The following COL4A6 variants were observed in gnomAD, a reference collection of about 807,000 sequenced individuals.
COL4A6 encodes the protein collagen type IV alpha 6 chain, also known as collagen alpha-6(IV) chain.
COL4A6 carries 59 observed loss-of-function variants against 126.7 expected under a neutral mutation model. The observed-to-expected ratio is 0.47, with a 90% confidence interval of 0.38 to 0.58. The LOEUF (loss-of-function observed/expected upper bound fraction) is 0.58. Ranked by LOEUF, COL4A6 falls within the 20% of genes least tolerant of loss-of-function variation. The pLI, the probability that COL4A6 is intolerant of heterozygous loss-of-function variation, is 0.00. For missense variants in COL4A6, 1,285 were observed against 1,337.3 expected (o/e 0.96, Z 0.61); for synonymous variants, 547 against 496.6 (o/e 1.10, Z -1.35).
chrX:108,165,238 C>T lies in COL4A6; in HGVS notation c.3808+132G>A, dbSNP rs188298998. On this transcript the variant is annotated intron_variant, in intron 38 of 44. Coordinates refer to ENST00000334504, the MANE Select transcript of COL4A6 (RefSeq NM_033641.4). ...GGCTCAAGTCCCCTGTGTCCCCACT[C>T]GGGGAGGGATGTGAAGCCAAACACG... The T allele has an allele frequency of 3.1e-4, 237 of 753,279 alleles. No homozygotes were observed. In the African/African-American group the frequency reaches 4.3e-3, roughly 14 times the overall value. The allele number at this position is 753,279 out of a possible 1,213,427, so 62.1% of individuals were successfully genotyped here. A position where few individuals can be genotyped will look rare whatever the true frequency, so the allele number is the denominator to read the frequency against.
At chrX:108,290,593 T>C (rs1421399893) in intron 3 of COL4A6, among the ~76,000 whole-genome samples, 1 of 109,915 alleles carries the variant, frequency 9.1e-6, no homozygotes, top group African/African-American at 3.3e-5. Context: ...TCTATAAATT[T>C]GGAATTATTA....
chrX:108,178,879 G>A (rs760443161), intron 26 of COL4A6, 34 bp from the exon 27 acceptor site: 1 of 1,182,320 alleles, frequency 8.5e-7, no homozygotes, highest in South Asian at 1.9e-5. Flanking sequence ...ATCACAGCCT[G>A]GAGAGATAGC....
rs536724328 is a variant in COL4A6, at chrX:108,309,628, C to T, written c.144+1120G>A. On this transcript the variant is annotated intron_variant, in intron 3 of 44. Transcript: ENST00000334504. ...TAAGATAATGAAAGAGAAGGTGGAA[C>T]GGTCACTGTGTTCCCTGTTTGGCTA... Among the ~76,000 whole-genome samples, 66 of 111,057 alleles carry T rather than the reference C, an allele frequency of 5.9e-4. No homozygotes were observed. In the South Asian group the frequency reaches 0.024, roughly 41 times the overall value.
intron 20 of COL4A6, 89 bp downstream of exon 20, chrX:108,190,303 A>G: frequency 1.7e-6 from 1 of 580,457 alleles, no homozygotes; most frequent in Non-Finnish European, 2.8e-6. Flanking sequence ...GCTTCTGTTT[A>G]GGTTCCCGAG....
At chrX:108,280,165 GA>G (rs1314865807) in intron 3 of COL4A6, among the ~76,000 whole-genome samples, 1 of 111,036 alleles carries the variant, frequency 9.0e-6, no homozygotes, top group African/African-American at 3.3e-5. Context: ...GAAGGAAATA[GA>G]GACACAAAAA....
In COL4A6 at chrX:108,360,943, A is replaced by G. The variant is rs1309237666; in HGVS notation, c.64-50115T>C. On this transcript the variant is annotated intron_variant, in intron 2 of 44. Transcript: ENST00000334504. ...ATTAGAGTGAAGAGTAAGTCTGGGA[A>G]ATTAGCGTGGGGCAGATCAGGGAAG... is the stretch of plus-strand genomic sequence containing the variant. 3.6e-5 allele frequency among the ~76,000 whole-genome samples: 4 copies of G among 110,802 alleles called. No individual in the cohort carries two copies. The Admixed American group carries it at 3.9e-4, about 11-fold the overall frequency.
At chrX:108,214,465 A>G (rs368874987) in intron 5 of COL4A6, among the ~76,000 whole-genome samples, 7 of 112,117 alleles carry the variant, frequency 6.2e-5, no homozygotes, top group African/African-American at 2.3e-4. Context: ...AGCTGAAACC[A>G]AAGGGATCAA....
At chrX:108,407,527 C>G (rs1000908876) in intron 2 of COL4A6, among the ~76,000 whole-genome samples, 2 of 112,161 alleles carry the variant, frequency 1.8e-5, no homozygotes, top group South Asian at 3.7e-4. Flanking sequence ...CATCTGCTGT[C>G]TCAGGCAACA....
Position 108,179,287 on chromosome X carries a change from C to T in COL4A6, c.2283G>A (p.Gly761=), listed in dbSNP as rs1190973369. The T allele has an allele frequency of 4.1e-6, 5 of 1,209,312 alleles. No homozygotes were observed. The highest frequency in any genetic ancestry group is 1.8e-5 in the African/African-American group (1 of 56,875). ...CTGTTAATCCTTGTAGGCCTTGTTC[C>T]CCCGGAGCACCATTTTCAGCACCAA... The part of the protein sequence containing the change: ...DIFGAENGAP[G]EQGLQGLTGH... The change falls in exon 26 of 45, where the codon GGG becomes GGA. Residue 761 remains glycine, a synonymous_variant. Transcript: ENST00000334504.
At chrX:108,183,058 C>G (rs1230602346) in intron 23 of COL4A6, among the ~76,000 whole-genome samples, 1 of 112,152 alleles carries the variant, frequency 8.9e-6, no homozygotes, top group Non-Finnish European at 1.9e-5. Flanking sequence ...GTATGCCACA[C>G]CACACTTGTG....
At position 108,211,809 on chromosome X, in the gene COL4A6, T is replaced by C; in HGVS notation, c.442-69A>G. On this transcript the variant is annotated intron_variant, in intron 6 of 44. Coordinates refer to ENST00000334504, the MANE Select transcript of COL4A6 (RefSeq NM_033641.4). ...CAGTCTTTTTAATTGCATTATCTGA[T>C]CAGATAGAGGATGGGACAGCAAGAG... The C allele has an allele frequency of 3.9e-6, 4 of 1,030,607 alleles. No homozygotes were observed. In the South Asian group the frequency reaches 8.0e-5, roughly 21 times the overall value. 84.9% of individuals were successfully genotyped at this position (1,030,607 alleles called of 1,213,427 possible). A position where few individuals can be genotyped will look rare whatever the true frequency, so the allele number is the denominator to read the frequency against.
intron 8 of COL4A6, among the ~76,000 whole-genome samples, chrX:108,208,489 G>A (rs1189856620): frequency 8.9e-6 from 1 of 112,135 alleles, no homozygotes; most frequent in Non-Finnish European, 1.9e-5. Flanking sequence ...AGTGTTCACT[G>A]TAATTACAAT....
chrX:108,216,896 T>C (rs1046028843), intron 5 of COL4A6, among the ~76,000 whole-genome samples: 6 of 112,657 alleles, frequency 5.3e-5, no homozygotes, highest in Admixed American at 9.4e-5. Context: ...ATTGACTCCA[T>C]GGGGAAAGCT....
rs751395962 is a variant in COL4A6, at chrX:108,386,182, A to G, written c.63+51760T>C. On this transcript the variant is annotated intron_variant, in intron 2 of 44. Coordinates refer to ENST00000334504, the MANE Select transcript of COL4A6 (RefSeq NM_033641.4). ...GTGAACAGTGCCACAATAAACATAC[A>G]TGTGCATGTCTCTTTATAGTAGAAT... Among the ~76,000 whole-genome samples the G allele has an allele frequency of 8.1e-5, 9 of 111,780 alleles. No individual in the cohort carries two copies. The East Asian group carries it at 2.5e-3, about 31-fold the overall frequency.
chrX:108,418,636 A>G (rs776486874), intron 2 of COL4A6, among the ~76,000 whole-genome samples: 4 of 112,494 alleles, frequency 3.6e-5, no homozygotes, highest in Admixed American at 2.8e-4. Flanking sequence ...TTGTCCTCAG[A>G]TATGTAGCTT....
intron 2 of COL4A6, among the ~76,000 whole-genome samples, chrX:108,318,552 A>C (rs2038942521): frequency 9.0e-6 from 1 of 111,229 alleles, no homozygotes; most frequent in Non-Finnish European, 1.9e-5. Context: ...CAATGTACAA[A>C]AATCACAAGC....
At chrX:108,328,580 T>A (rs1364816460) in intron 2 of COL4A6, among the ~76,000 whole-genome samples, 3 of 112,118 alleles carry the variant, frequency 2.7e-5, no homozygotes, top group Non-Finnish European at 5.6e-5. Flanking sequence ...ATCCAGTTTT[T>A]TCCACAAATA....
chrX:108,183,562 G>T (rs780322028), intron 23 of COL4A6, among the ~76,000 whole-genome samples: 1 of 111,607 alleles, frequency 9.0e-6, no homozygotes, highest in African/African-American at 3.3e-5. Context: ...AGCAGTGTTG[G>T]TGTCAGCCTT....
intron 2 of COL4A6, among the ~76,000 whole-genome samples, chrX:108,398,202 C>A (rs1369700183): frequency 8.9e-6 from 1 of 112,025 alleles, no homozygotes; most frequent in Non-Finnish European, 1.9e-5. Flanking sequence ...TTGGCACTGC[C>A]CATCTATTTT....
Sources: allele counts gnomAD v4.1 joint callset (sites outside exome capture counted in the v4.1 genomes callset), GRCh38; gene constraint gnomAD v4.1.1; transcripts MANE v1.5; gene names NCBI Gene and HGNC (gene_info 2026-07-23, HGNC 2026-07-21).